KCNMA1: variants seen among roughly 807,000 people sequenced by gnomAD.
The protein encoded by KCNMA1 is Calcium-activated potassium channel subunit alpha-1.
In KCNMA1, 29 loss-of-function variants were observed where a neutral mutation model predicts 140.0. That is an observed-to-expected ratio of 0.21 (90% CI 0.15 to 0.28). The LOEUF (loss-of-function observed/expected upper bound fraction) is 0.28. Among genes scored for constraint, KCNMA1 ranks in the 10% least tolerant of loss-of-function variants. KCNMA1 has a pLI of 1.00. For synonymous variants in KCNMA1, 612 were observed against 611.9 expected (o/e 1.00, Z 0.00); for missense variants, 880 against 1,602.2 (o/e 0.55, Z 7.70).
intron 1 of KCNMA1, among the ~76,000 whole-genome samples, chr10:77,633,160 C>CA (rs1372242378): frequency 2.6e-5 from 4 of 152,110 alleles, no homozygotes; most frequent in African/African-American, 9.7e-5. Flanking sequence ...ACTTAAAATA[C>CA]AAAAATTAGC....
chr10:77,485,825 T>C (rs1280456240), intron 1 of KCNMA1, among the ~76,000 whole-genome samples: 2 of 152,134 alleles, frequency 1.3e-5, no homozygotes, highest in African/African-American at 4.8e-5. Context: ...CAAGGACCAA[T>C]GTCCTTGCTT....
chr10:77,105,876 C>A (rs74620608), intron 9 of KCNMA1, among the ~76,000 whole-genome samples: 1 of 152,296 alleles, frequency 6.6e-6, no homozygotes, highest in African/African-American at 2.4e-5. Flanking sequence ...CTACCACATG[C>A]CCATATCCCA....
At chr10:77,022,999 T>A (rs1256592096) in intron 16 of KCNMA1, 1 of 452,986 alleles carries the variant, frequency 2.2e-6, no homozygotes, top group African/African-American at 2.0e-5. Flanking sequence ...AAATATGGGT[T>A]CCTAGACATA....
At chr10:77,625,026 G>A (rs113983635) in intron 1 of KCNMA1, among the ~76,000 whole-genome samples, 1,888 of 152,188 alleles carry the variant, frequency 0.012, 16 homozygotes, top group East Asian at 0.031. Context: ...CCTGGAGGGG[G>A]AATTTGGAGG....
chr10:77,565,457 A>T (rs1443806763), intron 1 of KCNMA1, among the ~76,000 whole-genome samples: 1 of 152,240 alleles, frequency 6.6e-6, no homozygotes, highest in Non-Finnish European at 1.5e-5. Flanking sequence ...GAGGAAAAAA[A>T]TGTGGAAGAC....
intron 17 of KCNMA1, 57 bp from the exon 18 acceptor site, chr10:77,012,100 G>C (rs527379761): frequency 8.7e-6 from 14 of 1,611,366 alleles, no homozygotes; most frequent in Admixed American, 1.7e-5. Context: ...AATGAAATGA[G>C]TACCACATTT....
chr10:77,526,176 A>G (rs2055555182), intron 1 of KCNMA1, among the ~76,000 whole-genome samples: 1 of 152,132 alleles, frequency 6.6e-6, no homozygotes, highest in African/African-American at 2.4e-5. Flanking sequence ...AAGAAAAGAA[A>G]GGGCCCAGGG....
chr10:77,301,735 A>G (rs1396474407), intron 2 of KCNMA1, among the ~76,000 whole-genome samples: 1 of 151,674 alleles, frequency 6.6e-6, no homozygotes, highest in African/African-American at 2.4e-5. Context: ...TTCCACATGT[A>G]TGCAGATAGA....
intron 2 of KCNMA1, among the ~76,000 whole-genome samples, chr10:77,319,924 G>A (rs963714824): frequency 6.6e-6 from 1 of 152,174 alleles, no homozygotes; most frequent in Non-Finnish European, 1.5e-5. Context: ...CCACTGTGGG[G>A]GCTGTCTGTT....
At chr10:77,381,205 C>T (rs1352574168) in intron 2 of KCNMA1, among the ~76,000 whole-genome samples, 3 of 152,050 alleles carry the variant, frequency 2.0e-5, no homozygotes, top group African/African-American at 7.2e-5. Flanking sequence ...AGACAAAAAG[C>T]CCTGCTTTTA....
At chr10:77,354,250 C>T (rs886129862) in intron 2 of KCNMA1, among the ~76,000 whole-genome samples, 1 of 152,204 alleles carries the variant, frequency 6.6e-6, no homozygotes, top group African/African-American at 2.4e-5. Context: ...GCCTCAGCAT[C>T]CCAAAGTGCT....
intron 23 of KCNMA1, among the ~76,000 whole-genome samples, chr10:76,928,792 T>C (rs1234597837): frequency 2.0e-5 from 3 of 152,104 alleles, no homozygotes; most frequent in Non-Finnish European, 4.4e-5. Flanking sequence ...GCCATCTACA[T>C]AAGAGTTGTT....
chr10:76,963,726 G>T (rs1365381246), intron 20 of KCNMA1, among the ~76,000 whole-genome samples: 1 of 152,150 alleles, frequency 6.6e-6, no homozygotes, highest in East Asian at 1.9e-4. Flanking sequence ...CTCTTCCCAT[G>T]AGCTAATCAG....
chr10:77,572,185 T>A (rs2154561117), intron 1 of KCNMA1, among the ~76,000 whole-genome samples: 1 of 152,218 alleles, frequency 6.6e-6, no homozygotes, highest in Non-Finnish European at 1.5e-5. Flanking sequence ...ACATAAGAGG[T>A]ATATTTTACC....
chr10:76,981,587 G>A (rs1162996992), intron 19 of KCNMA1, among the ~76,000 whole-genome samples: 1 of 152,140 alleles, frequency 6.6e-6, no homozygotes, highest in Non-Finnish European at 1.5e-5. Context: ...GCAGAGGCAT[G>A]GCGGGGTAGA....
chr10:77,589,620 C>G (rs11002213), intron 1 of KCNMA1, among the ~76,000 whole-genome samples: 10,274 of 152,208 alleles, frequency 0.067, 1,119 homozygotes, highest in East Asian at 0.52. Context: ...GCCGCAGACC[C>G]TCGCGGTGAG....
At chr10:77,082,002 CTTTTCTTTTTTTTTTTTTTTT>C (rs1257130393) in intron 12 of KCNMA1, among the ~76,000 whole-genome samples, 10 of 51,650 alleles carry the variant, frequency 1.9e-4, no homozygotes, top group South Asian at 6.5e-4. Flanking sequence ...TTCTTTTTTT[CTTTTCTTTTTTTTTTTTTTTT>C]TTTTTTTTTT....
At chr10:77,201,832 A>G (rs34380726) in intron 3 of KCNMA1, among the ~76,000 whole-genome samples, 1 of 152,028 alleles carries the variant, frequency 6.6e-6, no homozygotes, top group African/African-American at 2.4e-5. Context: ...AGCAAAAAAA[A>G]AAAAGTGCTT....
chr10:77,101,695 C>T (rs1291396158), intron 9 of KCNMA1, among the ~76,000 whole-genome samples: 2 of 152,178 alleles, frequency 1.3e-5, no homozygotes, highest in African/African-American at 2.4e-5. Flanking sequence ...GCTTCAGTCA[C>T]ATTTCGACCA....
Sources: allele counts gnomAD v4.1 joint callset (sites outside exome capture counted in the v4.1 genomes callset), GRCh38; gene constraint gnomAD v4.1.1; transcripts MANE v1.5; gene names NCBI Gene and HGNC (gene_info 2026-07-23, HGNC 2026-07-21).